Variants in MVB12B observed in about 807,000 individuals in gnomAD.
The protein encoded by MVB12B is ESCRT-I complex subunit MVB12B.
MVB12B carries 16 observed loss-of-function variants against 41.6 expected under a neutral mutation model. That is an observed-to-expected ratio of 0.38 (90% CI 0.26 to 0.58). The LOEUF (loss-of-function observed/expected upper bound fraction) is 0.58, where lower values mean the gene tolerates loss of function less well. MVB12B is among the 20% of genes least tolerant of loss of function. MVB12B has a pLI of 0.62. For missense variants in MVB12B, 274 were observed against 380.2 expected, an observed-to-expected ratio of 0.72 and a Z score of 2.32; for synonymous variants, 133 against 139.7, an observed-to-expected ratio of 0.95 and a Z score of 0.34.
chr9:126,391,415 T>G lies in MVB12B; in HGVS notation c.410-651T>G, dbSNP rs367682398. Among the ~76,000 whole-genome samples, 5 of 152,094 alleles carry G rather than the reference T, an allele frequency of 3.3e-5. No individual in the cohort carries two copies. The highest frequency in any genetic ancestry group is 1.2e-4 in the African/African-American group (5 of 41,388). ...AGATGCAGACAGACTGGAGAAAACG[T>G]GGATGTAGACTCTCTGTTGGATGAT... On this transcript the variant is annotated intron_variant, in intron 4 of 9. Coordinates refer to ENST00000361171, the MANE Select transcript of MVB12B (RefSeq NM_033446.3). This position sits in a 1 kb window ranked among gnomAD's most constrained non-coding sequence, Gnocchi z 4.4.
chr9:126,457,728 C>T (rs1038780849), intron 7 of MVB12B, among the ~76,000 whole-genome samples: 7 of 151,964 alleles, frequency 4.6e-5, no homozygotes, highest in African/African-American at 1.2e-4. Context: ...AAAATAGGGA[C>T]GCGTCGCCTG....
At chr9:126,446,886 C>T in intron 7 of MVB12B, among the ~76,000 whole-genome samples, 2 of 134,148 alleles carry the variant, frequency 1.5e-5, no homozygotes, top group Admixed American at 7.3e-5. Context: ...TAGACTTTTG[C>T]TTTATACTAT....
chr9:126,401,718 CAG>C (rs751687204), intron 6 of MVB12B, among the ~76,000 whole-genome samples: 1 of 152,252 alleles, frequency 6.6e-6, no homozygotes, highest in Non-Finnish European at 1.5e-5. Flanking sequence ...ACATCATTGT[CAG>C]AAGCCCATGA....
intron 6 of MVB12B, among the ~76,000 whole-genome samples, chr9:126,412,152 G>T (rs1485614064): frequency 6.6e-6 from 1 of 152,162 alleles, no homozygotes; most frequent in Non-Finnish European, 1.5e-5. Context: ...ATGCCAGCAG[G>T]TGCAGCAAAG....
At chr9:126,422,423 C>T (rs992115397) in intron 7 of MVB12B, among the ~76,000 whole-genome samples, 1 of 152,172 alleles carries the variant, frequency 6.6e-6, no homozygotes, top group Non-Finnish European at 1.5e-5. Context: ...TTTCTGAACT[C>T]GGCCTTGAAA....
intron 6 of MVB12B, among the ~76,000 whole-genome samples, chr9:126,421,403 G>A (rs187712246): frequency 6.6e-6 from 1 of 152,316 alleles, no homozygotes; most frequent in Non-Finnish European, 1.5e-5. Context: ...TTTACAGAGC[G>A]CTTCATGTGC....
intron 2 of MVB12B, among the ~76,000 whole-genome samples, chr9:126,348,417 A>G (rs1196311076): frequency 6.6e-6 from 1 of 152,222 alleles, no homozygotes; most frequent in Non-Finnish European, 1.5e-5. Context: ...GGAGGCAAAC[A>G]TCAGCTATCG....
chr9:126,455,269 C>T (rs943862946), intron 7 of MVB12B, among the ~76,000 whole-genome samples: 5 of 151,884 alleles, frequency 3.3e-5, no homozygotes, highest in Admixed American at 3.3e-4. Flanking sequence ...CTCCCTGCCA[C>T]CTCCGCCTCC....
intron 1 of MVB12B, among the ~76,000 whole-genome samples, chr9:126,336,810 TC>T (rs1423736782): frequency 1.3e-5 from 2 of 151,968 alleles, no homozygotes; most frequent in Non-Finnish European, 2.9e-5. Flanking sequence ...AGGGAGCCTC[TC>T]GGGGCAGACA....
chr9:126,417,051 G>A (rs536134414), intron 6 of MVB12B, among the ~76,000 whole-genome samples: 1 of 152,334 alleles, frequency 6.6e-6, no homozygotes. Flanking sequence ...GTGCCTTTCT[G>A]TCCTGTCCCC....
intron 9 of MVB12B, among the ~76,000 whole-genome samples, chr9:126,494,458 C>G (rs1833790560): frequency 6.6e-6 from 1 of 152,218 alleles, no homozygotes; most frequent in Non-Finnish European, 1.5e-5. Context: ...CAGGCAGAAC[C>G]ACCTGCCCTG....
At chr9:126,368,449 A>T (rs1830242584) in intron 2 of MVB12B, among the ~76,000 whole-genome samples, 1 of 152,086 alleles carries the variant, frequency 6.6e-6, no homozygotes, top group African/African-American at 2.4e-5. Flanking sequence ...CAGCAGATGC[A>T]CCCTCCATAA....
intron 2 of MVB12B, among the ~76,000 whole-genome samples, chr9:126,357,096 G>A (rs1215009515): frequency 6.6e-6 from 1 of 152,150 alleles, no homozygotes; most frequent in Non-Finnish European, 1.5e-5. Context: ...CTGTAGTCTA[G>A]GTTGCATTTT....
chr9:126,481,105 GC>G, intron 7 of MVB12B: 1 of 485,456 alleles, frequency 2.1e-6, no homozygotes, highest in Non-Finnish European at 3.7e-6. Flanking sequence ...TGGACCAGCC[GC>G]TCTCTGCTCC....
chr9:126,337,533 A>C (rs773805011), intron 1 of MVB12B, among the ~76,000 whole-genome samples: 1 of 152,068 alleles, frequency 6.6e-6, no homozygotes, highest in African/African-American at 2.4e-5. Context: ...TCTCAATTGG[A>C]TGGGATATTG....
rs554344373 is a variant in MVB12B at position 126,465,280 on chromosome 9, C to A, written c.758-16089C>A. ...ACTATCAGAGCTGGATCTTAAACAT[C>A]TTCTAGCCCAGGGCTTCTCAAACCT... On this transcript the variant is annotated intron_variant, in intron 7 of 9. Coordinates refer to ENST00000361171, the MANE Select transcript of MVB12B (RefSeq NM_033446.3). 4.6e-5 allele frequency among the ~76,000 whole-genome samples: 7 copies of A among 152,336 alleles called. No individual in the cohort carries two copies. The East Asian group carries it at 1.2e-3, about 25-fold the overall frequency.
intron 2 of MVB12B, among the ~76,000 whole-genome samples, chr9:126,365,220 ATTT>A (rs71377933): frequency 7.7e-4 from 94 of 122,620 alleles, no homozygotes; most frequent in African/African-American, 1.8e-3. Flanking sequence ...CACCCAGCTA[ATTT>A]TTTTTTTTTT....
chr9:126,469,751 C>T (rs1365748641), intron 7 of MVB12B, among the ~76,000 whole-genome samples: 1 of 152,200 alleles, frequency 6.6e-6, no homozygotes, highest in Admixed American at 6.5e-5. Context: ...GGAGTTTCTG[C>T]GTTTGTCGCT....
chr9:126,479,002 C>T (rs934503085), intron 7 of MVB12B, among the ~76,000 whole-genome samples: 1 of 152,142 alleles, frequency 6.6e-6, no homozygotes, highest in Non-Finnish European at 1.5e-5. Context: ...GGCCTGTGCA[C>T]AGTACCTGGG....
Sources: allele counts gnomAD v4.1 joint callset (sites outside exome capture counted in the v4.1 genomes callset), GRCh38; gene constraint gnomAD v4.1.1; non-coding constraint Gnocchi (gnomAD v3.1); transcripts MANE v1.5; gene names NCBI Gene and HGNC (gene_info 2026-07-23, HGNC 2026-07-21).